The following XKR6 variants were observed in gnomAD, a reference collection of about 807,000 sequenced individuals.
The protein encoded by XKR6 is XK related 6.
Under a neutral mutation model 56.7 loss-of-function variants are expected in XKR6, and 22 were observed. That is an observed-to-expected ratio of 0.39 (90% CI 0.28 to 0.55). The LOEUF (loss-of-function observed/expected upper bound fraction) is 0.55. XKR6 is among the 20% of genes least tolerant of loss of function. The pLI is 0.66. For missense variants in XKR6, 852 were observed against 889.0 expected (o/e 0.96, Z 0.53); for synonymous variants, 524 against 387.8 (o/e 1.35, Z -4.13).
chr8:11,167,951 A>G (rs1248672702), intron 1 of XKR6, among the ~76,000 whole-genome samples: 1 of 151,854 alleles, frequency 6.6e-6, no homozygotes, highest in Non-Finnish European at 1.5e-5. Context: ...ATTAACTAAG[A>G]AACAGAGACT....
At chr8:10,910,351 C>G (rs944113578) in intron 2 of XKR6, among the ~76,000 whole-genome samples, 3 of 152,120 alleles carry the variant, frequency 2.0e-5, no homozygotes, top group Non-Finnish European at 4.4e-5. Flanking sequence ...AAAGAATTCC[C>G]CCTGAGAAGT....
At chr8:11,134,743 G>A (rs1036863054) in intron 1 of XKR6, among the ~76,000 whole-genome samples, 2 of 151,580 alleles carry the variant, frequency 1.3e-5, no homozygotes, top group African/African-American at 2.4e-5. Context: ...ACCTACCAGC[G>A]AAATAATCAT....
chr8:10,972,688 C>A (rs1481659678), intron 1 of XKR6, among the ~76,000 whole-genome samples: 1 of 152,146 alleles, frequency 6.6e-6, no homozygotes, highest in Non-Finnish European at 1.5e-5. Context: ...GTAGAACAGG[C>A]TTGCCAGGGG....
chr8:11,174,126 G>A (rs1026888366), intron 1 of XKR6, among the ~76,000 whole-genome samples: 1 of 152,168 alleles, frequency 6.6e-6, no homozygotes, highest in Non-Finnish European at 1.5e-5. Flanking sequence ...ATTAATCCAT[G>A]CAACACACTG....
At chr8:11,044,334 C>T (rs1004289073) in intron 1 of XKR6, among the ~76,000 whole-genome samples, 21 of 152,232 alleles carry the variant, frequency 1.4e-4, no homozygotes, top group African/African-American at 5.1e-4. Context: ...ATATTCATAG[C>T]TCCTCCCAGA....
At chr8:10,989,502 G>A (rs771345719) in intron 1 of XKR6, among the ~76,000 whole-genome samples, 2 of 152,184 alleles carry the variant, frequency 1.3e-5, no homozygotes, top group African/African-American at 2.4e-5. Flanking sequence ...AAGTCCCAGG[G>A]AAGAAGAGAA....
chr8:11,050,875 A>C (rs1799529948), intron 1 of XKR6, among the ~76,000 whole-genome samples: 3 of 150,072 alleles, frequency 2.0e-5, no homozygotes, highest in African/African-American at 2.5e-5. Context: ...TGCACCACCC[A>C]CTCTTCTCTC....
At chr8:11,132,845 G>T (rs1800179434) in intron 1 of XKR6, among the ~76,000 whole-genome samples, 1 of 134,732 alleles carries the variant, frequency 7.4e-6, no homozygotes, top group Admixed American at 7.2e-5. Flanking sequence ...CACCTGTAAT[G>T]CTTTGTATGA....
intron 1 of XKR6, among the ~76,000 whole-genome samples, chr8:11,051,747 G>A (rs1586479816): frequency 6.6e-6 from 1 of 152,072 alleles, no homozygotes; most frequent in East Asian, 1.9e-4. Flanking sequence ...AGGATTTGAG[G>A]TTGAAATAAG....
chr8:11,078,837 A>G (rs929213154), intron 1 of XKR6, among the ~76,000 whole-genome samples: 1 of 152,200 alleles, frequency 6.6e-6, no homozygotes, highest in Non-Finnish European at 1.5e-5. Flanking sequence ...AGAAGAGTGG[A>G]CATACCCTCC....
At chr8:10,988,972 A>C (rs1797927128) in intron 1 of XKR6, among the ~76,000 whole-genome samples, 1 of 152,208 alleles carries the variant, frequency 6.6e-6, no homozygotes, top group Admixed American at 6.5e-5. Context: ...GGACACATAA[A>C]ATACTTGCTT....
chr8:11,063,692 G>A (rs1295269791), intron 1 of XKR6, among the ~76,000 whole-genome samples: 1 of 152,126 alleles, frequency 6.6e-6, no homozygotes, highest in African/African-American at 2.4e-5. Flanking sequence ...ATGGGGAGAG[G>A]CCGATGCCAG....
chr8:10,950,734 G>A (rs545553800), intron 1 of XKR6, among the ~76,000 whole-genome samples: 10 of 152,330 alleles, frequency 6.6e-5, no homozygotes, highest in Non-Finnish European at 1.2e-4. Context: ...CAATCCAGTT[G>A]GCAAGCACCA....
chr8:10,989,474 C>A (rs137912143), intron 1 of XKR6, among the ~76,000 whole-genome samples: 59 of 152,236 alleles, frequency 3.9e-4, no homozygotes, highest in African/African-American at 1.4e-3. Context: ...AAAGCAAATC[C>A]ATTTCGGGAA....
chr8:10,975,128 C>T (rs1802514815), intron 1 of XKR6, among the ~76,000 whole-genome samples: 1 of 152,132 alleles, frequency 6.6e-6, no homozygotes, highest in Admixed American at 6.5e-5. Context: ...CTGATGCTCC[C>T]AGTACTTGCA....
chr8:11,101,592 G>A (rs759138797), intron 1 of XKR6, among the ~76,000 whole-genome samples: 2 of 152,148 alleles, frequency 1.3e-5, no homozygotes, highest in Non-Finnish European at 2.9e-5. Flanking sequence ...TCATCTGCCA[G>A]AGATTAAAAA....
intron 1 of XKR6, chr8:11,062,556 C>T (rs1331397574): frequency 2.8e-6 from 1 of 360,320 alleles, no homozygotes; most frequent in African/African-American, 2.1e-5. Flanking sequence ...CCAGGCAAAA[C>T]AGGGGCTGAT....
intron 1 of XKR6, among the ~76,000 whole-genome samples, chr8:10,961,443 G>A (rs570159480): frequency 6.6e-5 from 10 of 152,334 alleles, no homozygotes; most frequent in African/African-American, 2.2e-4. Context: ...GGCTGGCTAG[G>A]GGCGGCTGGG....
intron 1 of XKR6, among the ~76,000 whole-genome samples, chr8:11,034,832 C>A (rs967355443): frequency 3.4e-4 from 52 of 152,190 alleles, no homozygotes; most frequent in African/African-American, 1.2e-3. Context: ...TGTCCCCACC[C>A]AGCACACCCA....
Sources: allele counts gnomAD v4.1 joint callset (sites outside exome capture counted in the v4.1 genomes callset), GRCh38; gene constraint gnomAD v4.1.1; transcripts MANE v1.5; gene names NCBI Gene and HGNC (gene_info 2026-07-23, HGNC 2026-07-21).